EMC1: variants seen among roughly 807,000 people sequenced by gnomAD.
The protein encoded by EMC1 is KIAA0090.
In EMC1, 103 loss-of-function variants were observed where a neutral mutation model predicts 128.8. The observed-to-expected ratio is 0.80, with a 90% CI of 0.68 to 0.94. The LOEUF (loss-of-function observed/expected upper bound fraction) is 0.94, where lower values mean the gene tolerates loss of function less well. Among genes scored for constraint, EMC1 ranks in the 40% least tolerant of loss-of-function variants. The pLI is 0.00. For missense variants in EMC1, 1,083 were observed against 1,250.6 expected (o/e 0.87, Z 2.02); for synonymous variants, 442 against 490.4 (o/e 0.90, Z 1.30).
chr1:19,229,037 C>G (rs1241203568), intron 17 of EMC1, among the ~76,000 whole-genome samples: 4 of 152,092 alleles, frequency 2.6e-5, no homozygotes, highest in Non-Finnish European at 5.9e-5. Flanking sequence ...GAGCGAGACT[C>G]TGTCTCTAAA....
chr1:19,241,911 G>A (rs1477045229), intron 5 of EMC1, among the ~76,000 whole-genome samples: 2 of 152,024 alleles, frequency 1.3e-5, no homozygotes, highest in East Asian at 3.9e-4. Context: ...TCCCAATTTC[G>A]ATGCTTTCTA....
chr1:19,238,192 C>T, intron 10 of EMC1, 53 bp from the exon 11 acceptor site: 1 of 1,595,676 alleles, frequency 6.3e-7, no homozygotes, highest in East Asian at 2.2e-5. Flanking sequence ...AAAGCAAAGC[C>T]CACCAAAGGA....
chr1:19,223,611 C>A, intron 18 of EMC1, 42 bp from the exon 19 acceptor site: 2 of 1,589,802 alleles, frequency 1.3e-6, no homozygotes, highest in East Asian at 2.2e-5. Flanking sequence ...CACGACGACT[C>A]ATCACACACT....
At chr1:19,230,756 T>G in intron 17 of EMC1, 88 bp downstream of exon 17, 3 of 1,486,108 alleles carry the variant, frequency 2.0e-6, no homozygotes, top group Non-Finnish European at 1.8e-6. Context: ...TACAGTAGAA[T>G]GAGTAGCATA....
intron 9 of EMC1, among the ~76,000 whole-genome samples, 172 bp downstream of exon 9, chr1:19,239,059 A>G (rs986234768): frequency 1.3e-5 from 2 of 152,116 alleles, no homozygotes; most frequent in African/African-American, 4.8e-5. Context: ...CTGGGGAGAA[A>G]TGGGGTGTGC....
At chr1:19,241,247 A>G in intron 5 of EMC1, 105 bp from the exon 6 acceptor site, 2 of 1,367,574 alleles carry the variant, frequency 1.5e-6, no homozygotes, top group Non-Finnish European at 2.0e-6. Flanking sequence ...AGTAATTCCC[A>G]AATAGGTTTT....
chr1:19,237,962 A>C (rs1361116971), intron 11 of EMC1, 55 bp downstream of exon 11: 2 of 1,592,570 alleles, frequency 1.3e-6, no homozygotes, highest in East Asian at 2.3e-5. Flanking sequence ...TGAGGAAAGG[A>C]AGCCATGTGC....
chr1:19,246,053 C>T (rs1558114885), intron 1 of EMC1, among the ~76,000 whole-genome samples: 2 of 151,552 alleles, frequency 1.3e-5, no homozygotes, highest in Admixed American at 6.6e-5. Flanking sequence ...TGCAGTGAGC[C>T]GAGATCACAC....
intron 5 of EMC1, 132 bp downstream of exon 5, chr1:19,242,213 G>T: frequency 2.2e-6 from 2 of 913,314 alleles, no homozygotes; most frequent in Non-Finnish European, 3.4e-6. Context: ...TATTCTGAGT[G>T]CAACACACTC....
In EMC1 at chr1:19,223,396, C is replaced by T; in HGVS notation, c.2376G>A (p.Val792=). 1 of 1,613,456 alleles carries T rather than the reference C, an allele frequency of 6.2e-7. No homozygotes were observed. Among genetic ancestry groups the T allele is most frequent in the South Asian group, 1.1e-5 (1 of 91,036 alleles). Residue 792 remains valine, a splice_region_variant and synonymous_variant, in exon 19 of 23, where the codon GTG becomes GTA. Transcript: ENST00000477853. ...TGGGTCCCTGGTAGTGACCGCTTAC[C>T]ACCACCCAGTTCTCTGAATGCACGA... The part of the protein sequence containing the change: ...VHIVHSENWV[V]YQYWNTKARR...
intron 11 of EMC1, among the ~76,000 whole-genome samples, chr1:19,237,662 C>T (rs921795354): frequency 5.9e-5 from 9 of 152,258 alleles, no homozygotes; most frequent in East Asian, 1.9e-4. Flanking sequence ...GAATCTGAAC[C>T]GCAGTGACAC....
intron 7 of EMC1, 56 bp downstream of exon 7, chr1:19,240,241 T>C: frequency 6.2e-7 from 1 of 1,607,334 alleles, no homozygotes; most frequent in Non-Finnish European, 8.5e-7. Context: ...CATGCCAAAC[T>C]TTCTACTCCC....
intron 7 of EMC1, 62 bp downstream of exon 7, chr1:19,240,235 C>T: frequency 6.2e-7 from 1 of 1,601,142 alleles, no homozygotes; most frequent in Non-Finnish European, 8.5e-7. Flanking sequence ...GGGAATCATG[C>T]CAAACTTTCT....
chr1:19,239,716 G>A (rs1433800194), intron 8 of EMC1, 102 bp downstream of exon 8: 8 of 1,232,322 alleles, frequency 6.5e-6, no homozygotes, highest in Admixed American at 2.2e-5. Context: ...ATCAATCTTG[G>A]GCCTAAGAGC....
rs752695733 is a variant in EMC1 at position 19,232,700 on chromosome 1, GAGGA to G, written c.1702_1705del (p.Ser568ProfsTer4). 2 of 1,614,186 alleles carry G rather than the reference GAGGA, an allele frequency of 1.2e-6. No homozygotes were observed. The highest frequency in any genetic ancestry group is 1.7e-6 in the Non-Finnish European group (2 of 1,180,034). ...AGTTCTCTGGACCATCAGTTTAAAG[GAGGA>G]GTCTGGCTTGACATTGGGTAGATAC... On this transcript the variant is annotated frameshift_variant, in exon 15 of 23. Coordinates refer to ENST00000477853, the MANE Select transcript of EMC1 (RefSeq NM_015047.3). LOFTEE classifies it high-confidence loss of function.
At chr1:19,236,742 C>T (rs710878) in intron 12 of EMC1, among the ~76,000 whole-genome samples, 5,740 of 147,576 alleles carry the variant, frequency 0.039, 339 homozygotes, top group African/African-American at 0.13. Context: ...CCGAGGCAGG[C>T]GGATCACTTG....
chr1:19,230,336 T>C (rs112695442), intron 17 of EMC1, among the ~76,000 whole-genome samples: 1 of 152,130 alleles, frequency 6.6e-6, no homozygotes, highest in Non-Finnish European at 1.5e-5. Flanking sequence ...TTTGGGAGGC[T>C]GAGGCAGGTG....
At chr1:19,240,571 G>C (rs1460404300) in intron 6 of EMC1, 125 bp from the exon 7 acceptor site, 2 of 1,086,256 alleles carry the variant, frequency 1.8e-6, no homozygotes, top group Non-Finnish European at 2.7e-6. Flanking sequence ...TTCATGGTTG[G>C]TTGTATAGGA....
intron 1 of EMC1, among the ~76,000 whole-genome samples, chr1:19,249,928 A>G (rs546615547): frequency 6.6e-6 from 1 of 151,782 alleles, no homozygotes; most frequent in African/African-American, 2.4e-5. Flanking sequence ...AAAATTTTAA[A>G]AAGTCTTGGC....
Sources: allele counts gnomAD v4.1 joint callset (sites outside exome capture counted in the v4.1 genomes callset), GRCh38; gene constraint gnomAD v4.1.1; transcripts MANE v1.5; gene names NCBI Gene and HGNC (gene_info 2026-07-23, HGNC 2026-07-21).